The following ANKRD30A variants were observed in gnomAD, a reference collection of about 807,000 sequenced individuals.
ANKRD30A encodes ankyrin repeat domain-containing protein 30A.
Under a neutral mutation model 166.3 loss-of-function variants are expected in ANKRD30A, and 170 were observed. That is an observed-to-expected ratio of 1.02 (90% CI 0.90 to 1.16). ANKRD30A has a LOEUF of 1.16. ANKRD30A is among the 50% of genes most tolerant of loss of function. The pLI is 0.00. For synonymous variants in ANKRD30A, 564 were observed against 508.9 expected (o/e 1.11, Z -1.46); for missense variants, 1,630 against 1,518.0 (o/e 1.07, Z -1.23).
In ANKRD30A at chr10:37,129,913, G is replaced by A. The variant is rs1296240912; in HGVS notation, c.242G>A (p.Cys81Tyr). Residue 81 changes from cysteine to tyrosine, a missense_variant, in exon 2 of 36, where the codon TGT becomes TAT. Cys to Tyr is a radical substitution (Grantham distance 194, BLOSUM62 -2). Coordinates refer to ENST00000361713, the MANE Select transcript of ANKRD30A (RefSeq NM_052997.3). ...CGTAGGACTGCTCTACACTGGGCCT[G>A]TGTCAATGGCCATGAGGAAGTAGTA... ...AQKRTALHWA[C>Y]VNGHEEVVTF... The A allele has an allele frequency of 5.1e-6, 8 of 1,562,048 alleles. No individual in the cohort carries two copies. Among genetic ancestry groups the A allele is most frequent in the Non-Finnish European group, 5.2e-6 (6 of 1,151,180 alleles).
chr10:37,154,538 G>A (rs1336354050), intron 13 of ANKRD30A, among the ~76,000 whole-genome samples: 2 of 151,972 alleles, frequency 1.3e-5, no homozygotes, highest in African/African-American at 4.8e-5. Flanking sequence ...TTTAGTCAGG[G>A]GAGAAGAAGA....
At chr10:37,201,086 A>G (rs922646836) in intron 30 of ANKRD30A, 149 bp from the exon 31 acceptor site, 15 of 498,504 alleles carry the variant, frequency 3.0e-5, no homozygotes, top group Non-Finnish European at 4.3e-5. Flanking sequence ...TTCTATTAAA[A>G]TGTTTTTTTT....
chr10:37,159,008 T>A (rs762284171), intron 15 of ANKRD30A, among the ~76,000 whole-genome samples: 2 of 151,372 alleles, frequency 1.3e-5, no homozygotes, highest in Non-Finnish European at 2.9e-5. Context: ...GAAAATCAGC[T>A]TTTTTTTTGA....
intron 15 of ANKRD30A, among the ~76,000 whole-genome samples, chr10:37,160,148 C>T (rs745715095): frequency 2.0e-5 from 3 of 152,160 alleles, no homozygotes; most frequent in Non-Finnish European, 4.4e-5. Context: ...TTCTAAAACA[C>T]ATTTAATTAG....
chr10:37,218,429 A>G (rs1435063622), intron 33 of ANKRD30A, among the ~76,000 whole-genome samples: 1 of 150,980 alleles, frequency 6.6e-6, no homozygotes, highest in East Asian at 1.9e-4. Context: ...TCCTTTCAGA[A>G]TTGTGATAAC....
At chr10:37,195,174 T>C (rs1376278059) in intron 27 of ANKRD30A, among the ~76,000 whole-genome samples, 1 of 152,200 alleles carries the variant, frequency 6.6e-6, no homozygotes, top group Non-Finnish European at 1.5e-5. Flanking sequence ...GCATAAGGTT[T>C]TAAAGTGCCA....
Position 37,216,018 on chromosome 10 carries a change from G to GT in ANKRD30A, c.2870-151dup, listed in dbSNP as rs371657250. On this transcript the variant is annotated intron_variant, in intron 31 of 35. Transcript: ENST00000361713. Reference sequence around the variant, plus strand: ...TATTTTAAGCTAAACAAGAGGAGAGGTTTTTTTTTTTTCTGTTTAATCTGC... The same window carrying GT: ...TATTTTAAGCTAAACAAGAGGAGAGGTTTTTTTTTTTTTCTGTTTAATCTGC... Among the ~76,000 whole-genome samples the GT allele has an allele frequency of 9.2e-3, 1,327 of 144,276 alleles. 8 individuals carry two copies. Among genetic ancestry groups the GT allele is most frequent in the African/African-American group, 0.023 (922 of 39,840 alleles). 94.7% of individuals were successfully genotyped at this position (144,276 alleles called of 152,430 possible).
intron 15 of ANKRD30A, among the ~76,000 whole-genome samples, chr10:37,160,807 A>G (rs1195886068): frequency 6.6e-6 from 1 of 152,166 alleles, no homozygotes; most frequent in Non-Finnish European, 1.5e-5. Flanking sequence ...AAAATTCTCC[A>G]CGGCTTCACA....
At chr10:37,260,075 G>C in the ANKRD30A span, among the ~76,000 whole-genome samples, 13 of 152,034 alleles carry the variant, frequency 8.6e-5, no homozygotes, top group African/African-American at 3.1e-4. Flanking sequence ...GGATACCCGG[G>C]GGGTGGTTGT....
At chr10:37,248,091 C>T in the ANKRD30A span, 1 of 540,638 alleles carries the variant, frequency 1.8e-6, no homozygotes, top group African/African-American at 1.9e-5. Context: ...AAGGGCCACT[C>T]TTAATGGCTT....
In ANKRD30A at chr10:37,133,011, A is replaced by G. The variant is rs189173935; in HGVS notation, c.617+665A>G. 3.7e-3 allele frequency among the ~76,000 whole-genome samples: 568 copies of G among 152,248 alleles called. 2 individuals carry two copies. The highest frequency in any genetic ancestry group is 0.013 in the African/African-American group (550 of 41,550). ...CGAGATTCTGTCTCAAAGAAAAAAA[A>G]AAAGAAAAATTAAATAGAAATAGGA... On this transcript the variant is annotated intron_variant, in intron 4 of 35. Transcript: ENST00000361713.
At chr10:37,127,346 T>C (rs1461705286) in intron 1 of ANKRD30A, among the ~76,000 whole-genome samples, 1 of 152,050 alleles carries the variant, frequency 6.6e-6, no homozygotes, top group Non-Finnish European at 1.5e-5. Context: ...GAAGAAAATA[T>C]AAATGCCTAT....
intron 34 of ANKRD30A, among the ~76,000 whole-genome samples, chr10:37,221,321 T>C (rs368957017): frequency 7.1e-4 from 107 of 151,384 alleles, no homozygotes; most frequent in South Asian, 2.1e-3. Flanking sequence ...ACATGTCTTG[T>C]CAGGTCATTG....
At chr10:37,194,346 T>TTTTTGTTTTG (rs963757331) in intron 27 of ANKRD30A, among the ~76,000 whole-genome samples, 2 of 152,174 alleles carry the variant, frequency 1.3e-5, no homozygotes, top group African/African-American at 4.8e-5. Context: ...TTCTTCAGTT[T>TTTTTGTTTTG]TTTTGTTTTG....
intron 4 of ANKRD30A, among the ~76,000 whole-genome samples, 178 bp downstream of exon 4, chr10:37,132,524 G>T (rs374790324): frequency 6.6e-6 from 1 of 152,164 alleles, no homozygotes; most frequent in South Asian, 2.1e-4. Context: ...ACAGTATATA[G>T]TAGGACTTCT....
In ANKRD30A at chr10:37,161,408, T is replaced by A. The variant is rs535573663; in HGVS notation, c.1901-1241T>A. 3.3e-5 allele frequency among the ~76,000 whole-genome samples: 5 copies of A among 152,286 alleles called. No homozygotes were observed. In the South Asian group the frequency reaches 6.2e-4, roughly 19 times the overall value. ...TGAACAAATAAATTTGAAACAGTGT[T>A]GTATGGGAAGAATTCTACAGAGTTA... On this transcript the variant is annotated intron_variant, in intron 15 of 35. Coordinates refer to ENST00000361713, the MANE Select transcript of ANKRD30A (RefSeq NM_052997.3).
chr10:37,150,472 G>T (rs1382080707), intron 11 of ANKRD30A, among the ~76,000 whole-genome samples: 12 of 151,862 alleles, frequency 7.9e-5, no homozygotes, highest in Non-Finnish European at 1.8e-4. Flanking sequence ...GAAGCATTTG[G>T]GTTTAGAGTC....
At position 37,158,926 on chromosome 10, in the gene ANKRD30A, C is replaced by T. The variant is rs539611471; in HGVS notation, c.1900+340C>T. On this transcript the variant is annotated intron_variant, in intron 15 of 35. Transcript: ENST00000361713. The stretch of plus-strand genomic sequence containing the variant: ...GTGGTTCAAAGGCTGATTGGAATTC[C>T]GATCTTTACTTAGAAGAAAGTTTCA... Among the ~76,000 whole-genome samples, 127 of 152,196 alleles carry T rather than the reference C, an allele frequency of 8.3e-4. 4 individuals carry two copies. Among genetic ancestry groups the T allele is most frequent in the African/African-American group, 7.9e-4 (33 of 41,528 alleles).
At chr10:37,215,460 T>C (rs1347717819) in intron 31 of ANKRD30A, among the ~76,000 whole-genome samples, 1 of 151,380 alleles carries the variant, frequency 6.6e-6, no homozygotes, top group East Asian at 1.9e-4. Context: ...CTCAGTGTTT[T>C]GTTCTGTAAT....
Sources: allele counts gnomAD v4.1 joint callset (sites outside exome capture counted in the v4.1 genomes callset), GRCh38; gene constraint gnomAD v4.1.1; transcripts MANE v1.5; gene names NCBI Gene and HGNC (gene_info 2026-07-23, HGNC 2026-07-21).